Variants in UGGT2 observed in about 807,000 individuals in gnomAD.
UGGT2 encodes the protein UDP-glucose glycoprotein glucosyltransferase 2, also known as UDP-glucose:glycoprotein glucosyltransferase 2.
In UGGT2, 180 loss-of-function variants were observed where a neutral mutation model predicts 192.1. The observed-to-expected ratio is 0.94, with a 90% CI of 0.83 to 1.06. The LOEUF is 1.06. UGGT2 is among the 50% of genes least tolerant of loss of function. The pLI is 0.00. For synonymous variants in UGGT2, 580 were observed against 591.0 expected, an observed-to-expected ratio of 0.98 and a Z score of 0.27; for missense variants, 1,849 against 1,795.7, an observed-to-expected ratio of 1.03 and a Z score of -0.54.
chr13:95,986,950 G>C (rs1321554952), intron 8 of UGGT2, among the ~76,000 whole-genome samples: 1 of 152,076 alleles, frequency 6.6e-6, no homozygotes, highest in African/African-American at 2.4e-5. Flanking sequence ...AAAGAAAAAT[G>C]TGTGTTGCTA....
At chr13:95,830,212 A>T (rs989179034) in intron 38 of UGGT2, among the ~76,000 whole-genome samples, 6 of 152,234 alleles carry the variant, frequency 3.9e-5, no homozygotes, top group Admixed American at 3.3e-4. Context: ...TTGAGGACAC[A>T]GGCATGGGCA....
Position 95,867,420 on chromosome 13 carries a change from A to G in UGGT2, c.3477T>C (p.His1159=). Residue 1159 remains histidine (H), a synonymous_variant, in exon 30 of 39, where the codon CAT becomes CAC. Coordinates refer to ENST00000376747, the MANE Select transcript of UGGT2 (RefSeq NM_020121.4). ...GGTCTGCTTGAGAGTCAGTTCCTTC[A>G]TGCCTAAAAGTAGAAAAATGTGTCC... ...KSEDIYQIVG[H]EGTDSQADLE... 6.2e-7 allele frequency: 1 copy of G among 1,604,188 alleles called. No individual in the cohort carries two copies. The highest frequency in any genetic ancestry group is 1.1e-5 in the South Asian group (1 of 88,258).
intron 20 of UGGT2, among the ~76,000 whole-genome samples, chr13:95,915,011 AC>A (rs1411043343): frequency 1.3e-5 from 2 of 152,136 alleles, no homozygotes; most frequent in African/African-American, 4.8e-5. Context: ...TAAAATCCTA[AC>A]ACTTAGAAGC....
chr13:95,933,176 C>CAA (rs2049345155), intron 17 of UGGT2, among the ~76,000 whole-genome samples: 1 of 152,188 alleles, frequency 6.6e-6, no homozygotes, highest in African/African-American at 2.4e-5. Context: ...CTTCTTTATA[C>CAA]ATCTGGCAGA....
intron 5 of UGGT2, among the ~76,000 whole-genome samples, chr13:96,007,114 T>C (rs1458012171): frequency 6.6e-6 from 1 of 152,078 alleles, no homozygotes; most frequent in Non-Finnish European, 1.5e-5. Flanking sequence ...GTGAGATTCA[T>C]CCCAGGGATA....
At position 95,872,363 on chromosome 13, in the gene UGGT2, A is replaced by C. The variant is rs2140138422; in HGVS notation, c.3473+4916T>G. Among the ~76,000 whole-genome samples, 2 of 152,322 alleles carry C rather than the reference A, an allele frequency of 1.3e-5. 1 individual carries two copies. Among genetic ancestry groups the C allele is most frequent in the Admixed American group, 1.3e-4 (2 of 15,302 alleles). On this transcript the variant is annotated intron_variant, in intron 29 of 38. Coordinates refer to ENST00000376747, the MANE Select transcript of UGGT2 (RefSeq NM_020121.4). ...AAGCCAAATTTTAAAAAATCAAATA[A>C]TTTAGCCATGGCTTTAAAATCTGAA...
chr13:96,026,188 AAAC>A (rs1386309148), intron 2 of UGGT2, among the ~76,000 whole-genome samples: 1 of 151,842 alleles, frequency 6.6e-6, no homozygotes, highest in African/African-American at 2.4e-5. Flanking sequence ...AACAAACAAA[AAAC>A]AACTCTGGGG....
chr13:95,836,953 A>G, intron 37 of UGGT2, 133 bp downstream of exon 37: 1 of 751,270 alleles, frequency 1.3e-6, no homozygotes, highest in East Asian at 2.7e-5. Context: ...AACCTAAGTA[A>G]ATGTGTAATA....
intron 5 of UGGT2, among the ~76,000 whole-genome samples, chr13:96,010,765 A>G (rs2052136607): frequency 6.6e-6 from 1 of 152,214 alleles, no homozygotes; most frequent in African/African-American, 2.4e-5. Flanking sequence ...AGATACAGAC[A>G]AGCCGATTTT....
At chr13:95,837,242 TAG>T (rs1198831405) in intron 36 of UGGT2, 40 bp from the exon 37 acceptor site, 1 of 1,426,218 alleles carries the variant, frequency 7.0e-7, no homozygotes, top group Admixed American at 1.7e-5. Context: ...GTATGAAATT[TAG>T]AGTCAGAAGG....
intron 26 of UGGT2, among the ~76,000 whole-genome samples, 157 bp from the exon 27 acceptor site, chr13:95,884,837 AAT>A (rs1253483548): frequency 1.3e-5 from 2 of 152,222 alleles, no homozygotes; most frequent in Non-Finnish European, 2.9e-5. Flanking sequence ...GCTTATGAGA[AAT>A]AGACAATCAT....
intron 37 of UGGT2, among the ~76,000 whole-genome samples, chr13:95,834,182 T>C (rs1160303482): frequency 2.0e-5 from 3 of 151,606 alleles, no homozygotes; most frequent in African/African-American, 7.3e-5. Flanking sequence ...AATAAAAATA[T>C]TATGTTTTGT....
At chr13:95,868,631 G>A (rs908387518) in intron 29 of UGGT2, among the ~76,000 whole-genome samples, 2 of 151,680 alleles carry the variant, frequency 1.3e-5, no homozygotes, top group African/African-American at 4.9e-5. Flanking sequence ...AAACAAAAAG[G>A]ATCTAACCTG....
At chr13:95,974,141 G>A (rs2050864029) in intron 10 of UGGT2, among the ~76,000 whole-genome samples, 1 of 152,176 alleles carries the variant, frequency 6.6e-6, no homozygotes, top group Admixed American at 6.6e-5. Flanking sequence ...GGAGGGAGAA[G>A]AACTTAAAGT....
At position 95,869,587 on chromosome 13, in the gene UGGT2, A is replaced by G. The variant is rs537005875; in HGVS notation, c.3474-2164T>C. 9.9e-4 allele frequency among the ~76,000 whole-genome samples: 151 copies of G among 152,278 alleles called. 1 individual carries two copies. The highest frequency in any genetic ancestry group is 3.6e-3 in the African/African-American group (148 of 41,554). ...AGATGCTCACTCACTTAATCCATAC[A>G]ACCATCCTTTGAGGAAAGTACAATT... On this transcript the variant is annotated intron_variant, in intron 29 of 38. Transcript: ENST00000376747.
rs199749057 is a variant in UGGT2, at chr13:95,949,323, T to C, written c.1455+12A>G. The C allele has an allele frequency of 8.9e-5, 135 of 1,519,940 alleles. 1 individual carries two copies. In the Middle Eastern group the frequency reaches 1.7e-3, roughly 19 times the overall value. 94.2% of individuals were successfully genotyped at this position (1,519,940 alleles called of 1,614,324 possible). On this transcript the variant is annotated intron_variant, in intron 13 of 38. Transcript: ENST00000376747. ...ATAAGATATATATGTATAATCAAAA[T>C]ATAAAACTCACCAAATTATGAAAAT...
chr13:95,992,306 A>C (rs1229252330), intron 7 of UGGT2, among the ~76,000 whole-genome samples: 1 of 152,236 alleles, frequency 6.6e-6, no homozygotes, highest in East Asian at 1.9e-4. Context: ...AATGACATTC[A>C]TTCTTCCAAT....
chr13:96,027,455 C>A (rs749949073), intron 2 of UGGT2, among the ~76,000 whole-genome samples: 3 of 152,160 alleles, frequency 2.0e-5, no homozygotes, highest in Non-Finnish European at 4.4e-5. Context: ...GCTCACCAAC[C>A]ACCTGCTAAA....
Position 95,970,393 on chromosome 13 carries a change from T to C in UGGT2, c.1185-131A>G. The stretch of plus-strand genomic sequence containing the variant: ...CTTCATTAATAGCAGGAAAAATATA[T>C]TAAACTCATTAAGAAATAAGGCAAA... On this transcript the variant is annotated intron_variant, in intron 11 of 38. Coordinates refer to ENST00000376747, the MANE Select transcript of UGGT2 (RefSeq NM_020121.4). 4 of 733,202 alleles carry C rather than the reference T, an allele frequency of 5.5e-6. No homozygotes were observed. The South Asian group carries it at 8.0e-5, about 15-fold the overall frequency. 45.4% of individuals were successfully genotyped at this position (733,202 alleles called of 1,614,324 possible). A position where few individuals can be genotyped will look rare whatever the true frequency, so the allele number is the denominator to read the frequency against.
Sources: gnomAD v4.1 joint callset for allele counts (sites outside exome capture counted in the v4.1 genomes callset) on GRCh38, gnomAD v4.1.1 for gene constraint, MANE v1.5 for transcripts, NCBI Gene and HGNC (gene_info 2026-07-23, HGNC 2026-07-21) for gene names.